TCF7L1: variants seen among roughly 807,000 people sequenced by gnomAD.
TCF7L1 encodes the protein transcription factor 7 like 1.
Under a neutral mutation model 63.7 loss-of-function variants are expected in TCF7L1, and 18 were observed. The observed-to-expected ratio is 0.28, with a 90% CI of 0.20 to 0.42. TCF7L1 has a LOEUF of 0.42. Ranked by LOEUF, TCF7L1 falls within the 10% of genes least tolerant of loss-of-function variation. The probability of loss-of-function intolerance (pLI) is 1.00; values close to 1 mark genes in which losing one functional copy is unlikely to be tolerated. For synonymous variants in TCF7L1, 355 were observed against 340.9 expected (o/e 1.04, Z -0.46); for missense variants, 654 against 779.3 (o/e 0.84, Z 1.91).
chr2:85,302,426 G>A, intron 4 of TCF7L1, 58 bp from the exon 5 acceptor site: 1 of 1,611,506 alleles, frequency 6.2e-7, no homozygotes. Flanking sequence ...ATAAATAACA[G>A]CTGGTCATAC....
chr2:85,300,919 A>G (rs1681955681), intron 4 of TCF7L1, among the ~76,000 whole-genome samples: 2 of 151,930 alleles, frequency 1.3e-5, no homozygotes, highest in South Asian at 2.1e-4. Context: ...AGCTGGGACT[A>G]TAGGCACACG....
At chr2:85,279,873 T>C (rs1453818106) in intron 3 of TCF7L1, among the ~76,000 whole-genome samples, 1 of 152,136 alleles carries the variant, frequency 6.6e-6, no homozygotes, top group African/African-American at 2.4e-5. Context: ...ACTGCCTGAC[T>C]TGTCTGTAAG....
chr2:85,247,304 G>A (rs902078100), intron 3 of TCF7L1, among the ~76,000 whole-genome samples: 2 of 152,174 alleles, frequency 1.3e-5, no homozygotes, highest in African/African-American at 4.8e-5. Flanking sequence ...TCCTATTTCA[G>A]AAGGTTTATC....
intron 3 of TCF7L1, among the ~76,000 whole-genome samples, chr2:85,187,949 A>G (rs1242823859): frequency 1.3e-5 from 2 of 152,224 alleles, no homozygotes; most frequent in Non-Finnish European, 1.5e-5. Context: ...GAATACAGCA[A>G]TAAAAAAGAA....
chr2:85,162,124 A>T (rs1678301667), intron 3 of TCF7L1, among the ~76,000 whole-genome samples: 1 of 151,148 alleles, frequency 6.6e-6, no homozygotes, highest in South Asian at 2.1e-4. Context: ...AGTCCCAGCT[A>T]CTCTGGAGGC....
At chr2:85,280,228 A>G (rs1267466244) in intron 3 of TCF7L1, among the ~76,000 whole-genome samples, 2 of 152,104 alleles carry the variant, frequency 1.3e-5, no homozygotes, top group Admixed American at 1.3e-4. Flanking sequence ...GATGATCTAT[A>G]TGGGAGTGCA....
chr2:85,307,683 G>C lies in TCF7L1; in HGVS notation c.1299G>C (p.Gln433His). The C allele has an allele frequency of 1.2e-6, 2 of 1,613,834 alleles. No individual in the cohort carries two copies. Among genetic ancestry groups the C allele is most frequent in the African/African-American group, 2.7e-5 (2 of 75,044 alleles). The change falls in exon 11 of 12, where the codon CAG becomes CAC. Residue 433 changes from glutamine to histidine, a missense_variant. Coordinates refer to ENST00000282111, the MANE Select transcript of TCF7L1 (RefSeq NM_031283.3). The stretch of plus-strand genomic sequence containing the variant: ...GGAAGAGAGAAAAGCAGCTGTCCCA[G>C]ACACAGTCACAGCAGCAAGTCCAGG... The part of the protein sequence containing the change: ...KKRKREKQLS[Q>H]TQSQQQVQEA...
chr2:85,258,463 AGATGTCTGG>A (rs958745583), intron 3 of TCF7L1, among the ~76,000 whole-genome samples: 1 of 152,048 alleles, frequency 6.6e-6, no homozygotes, highest in African/African-American at 2.4e-5. Flanking sequence ...GGGGGTGCTG[AGATGTCTGG>A]GATGTTTCCA....
intron 3 of TCF7L1, among the ~76,000 whole-genome samples, chr2:85,186,091 C>A (rs1305854842): frequency 6.6e-6 from 1 of 151,788 alleles, no homozygotes; most frequent in East Asian, 1.9e-4. Context: ...CTCAGCCTCC[C>A]GAGTAGCTGG....
chr2:85,163,573 T>C (rs974404364), intron 3 of TCF7L1, among the ~76,000 whole-genome samples: 4 of 152,172 alleles, frequency 2.6e-5, no homozygotes, highest in Non-Finnish European at 5.9e-5. Flanking sequence ...GGCCATACGT[T>C]TGATTTTGAA....
intron 3 of TCF7L1, among the ~76,000 whole-genome samples, chr2:85,251,870 C>CT (rs1217166156): frequency 6.6e-6 from 1 of 152,110 alleles, no homozygotes; most frequent in Non-Finnish European, 1.5e-5. Context: ...TCTCAGGAGT[C>CT]TGAGACCAGC....
chr2:85,232,343 T>A (rs1224970678), intron 3 of TCF7L1, among the ~76,000 whole-genome samples: 7 of 152,240 alleles, frequency 4.6e-5, no homozygotes, highest in Non-Finnish European at 1.0e-4. Flanking sequence ...CTCCATTTCT[T>A]TTTAATCATA....
intron 3 of TCF7L1, among the ~76,000 whole-genome samples, chr2:85,138,437 T>C (rs1354673949): frequency 6.6e-6 from 1 of 152,230 alleles, no homozygotes; most frequent in African/African-American, 2.4e-5. Context: ...GGAAGATCAG[T>C]ATAAACATGC....
chr2:85,197,405 A>G (rs578044607), intron 3 of TCF7L1, among the ~76,000 whole-genome samples: 1 of 152,106 alleles, frequency 6.6e-6, no homozygotes, highest in African/African-American at 2.4e-5. Flanking sequence ...TGTCTCAAAA[A>G]ATATATATAT....
rs186607208 is a variant in TCF7L1 at position 85,295,223 on chromosome 2, C to T, written c.526-7261C>T. ...TTTTGCTTTGTTTTGTTTTTTGAGA[C>T]GGAGTATTGCTCTTGTCACCCAGGC... On this transcript the variant is annotated intron_variant, in intron 4 of 11. Transcript: ENST00000282111. Among the ~76,000 whole-genome samples the T allele has an allele frequency of 3.3e-3, 496 of 152,060 alleles. 2 individuals carry two copies. The highest frequency in any genetic ancestry group is 0.012 in the African/African-American group (477 of 41,456).
chr2:85,133,635 G>A lies in TCF7L1; in HGVS notation c.-50G>A, dbSNP rs1167512063. The A allele has an allele frequency of 2.6e-6, 2 of 757,234 alleles. No individual in the cohort carries two copies. The highest frequency in any genetic ancestry group is 2.6e-4 in the East Asian group (2 of 7,730). The allele number at this position is 757,234 out of a possible 1,614,324, so 46.9% of individuals were successfully genotyped here. ...GGCGCCGGGCCGGGCCGGGCAGGGC[G>A]CGGGCGGCTAGGGGCTCCGAGAGCG... On this transcript the variant is annotated 5_prime_UTR_variant, in exon 1 of 12. Coordinates refer to ENST00000282111, the MANE Select transcript of TCF7L1 (RefSeq NM_031283.3). This position sits in a 1 kb window ranked among gnomAD's most constrained non-coding sequence, Gnocchi z 4.4.
chr2:85,227,100 G>A (rs1030458226), intron 3 of TCF7L1, among the ~76,000 whole-genome samples: 6 of 152,188 alleles, frequency 3.9e-5, no homozygotes. Flanking sequence ...TCTCCAGAGT[G>A]AGTTGGTGCT....
At chr2:85,259,264 C>G (rs1558648837) in intron 3 of TCF7L1, among the ~76,000 whole-genome samples, 1 of 152,214 alleles carries the variant, frequency 6.6e-6, no homozygotes, top group African/African-American at 2.4e-5. Flanking sequence ...GTAAGCGCCC[C>G]GCCAATCCCC....
At chr2:85,167,823 C>T (rs1299737126) in intron 3 of TCF7L1, among the ~76,000 whole-genome samples, 1 of 152,144 alleles carries the variant, frequency 6.6e-6, no homozygotes, top group Non-Finnish European at 1.5e-5. Context: ...AAGATCCCAC[C>T]ACTGTACTCC....
Sources: allele counts gnomAD v4.1 joint callset (sites outside exome capture counted in the v4.1 genomes callset), GRCh38; gene constraint gnomAD v4.1.1; non-coding constraint Gnocchi (gnomAD v3.1); transcripts MANE v1.5; gene names NCBI Gene and HGNC (gene_info 2026-07-23, HGNC 2026-07-21).